The following ST3GAL4 variants were observed in gnomAD, a reference collection of about 807,000 sequenced individuals.
ST3GAL4 encodes the protein ST3 beta-galactoside alpha-2,3-sialyltransferase 4.
A neutral mutation model predicts 42.6 loss-of-function variants in ST3GAL4; 24 were observed. The ratio of observed to expected loss-of-function variants is 0.56; its 90% CI spans 0.41 to 0.79. The LOEUF (loss-of-function observed/expected upper bound fraction) is 0.79, where lower values mean the gene tolerates loss of function less well. Ranked by LOEUF, ST3GAL4 falls within the 30% of genes least tolerant of loss-of-function variation. ST3GAL4 has a pLI of 0.00. For missense variants in ST3GAL4, 311 were observed against 430.8 expected, an observed-to-expected ratio of 0.72 and a Z score of 2.46; for synonymous variants, 135 against 163.2, an observed-to-expected ratio of 0.83 and a Z score of 1.32.
At chr11:126,371,155 C>T (rs1952625466) in intron 1 of ST3GAL4, among the ~76,000 whole-genome samples, 1 of 71,072 alleles carries the variant, frequency 1.4e-5, no homozygotes, top group African/African-American at 6.0e-5. Flanking sequence ...CTATTCTTCC[C>T]CACATTCCTT....
rs1473170011 is a variant in ST3GAL4 at position 126,378,133 on chromosome 11, A to C, written c.-61+22291A>C. Among the ~76,000 whole-genome samples, 1 of 152,152 alleles carries C rather than the reference A, an allele frequency of 6.6e-6. No individual in the cohort carries two copies. The highest frequency in any genetic ancestry group is 2.4e-5 in the African/African-American group (1 of 41,430). The stretch of plus-strand genomic sequence containing the variant: ...GTCATATCTAGTCATTTTAGGTAGA[A>C]GATAGCCCACACCACAGATCCAGAC... On this transcript the variant is annotated intron_variant, in intron 1 of 10. Transcript: ENST00000444328. This position sits in a 1 kb window ranked among gnomAD's most constrained non-coding sequence, Gnocchi z 5.3.
intron 1 of ST3GAL4, among the ~76,000 whole-genome samples, chr11:126,375,480 G>C (rs1158198187): frequency 1.3e-5 from 2 of 152,140 alleles, no homozygotes; most frequent in Non-Finnish European, 2.9e-5. Flanking sequence ...CGTAGGATGT[G>C]GGGGTTCTGG....
At chr11:126,360,825 G>A (rs551143032) in intron 1 of ST3GAL4, among the ~76,000 whole-genome samples, 2 of 152,360 alleles carry the variant, frequency 1.3e-5, no homozygotes, top group South Asian at 2.1e-4. Context: ...TGATGGAAAT[G>A]CAGCTCAGGT....
chr11:126,409,523 G>A lies in ST3GAL4; in HGVS notation c.771+112G>A. 2.1e-6 allele frequency: 3 copies of A among 1,442,546 alleles called. No homozygotes were observed. The highest frequency in any genetic ancestry group is 2.8e-6 in the Non-Finnish European group (3 of 1,053,756). 89.4% of individuals were successfully genotyped at this position (1,442,546 alleles called of 1,614,324 possible). On this transcript the variant is annotated intron_variant, in intron 9 of 10. Coordinates refer to ENST00000444328, the MANE Select transcript of ST3GAL4 (RefSeq NM_001254757.2). The surrounding 1 kb of genome is among the most constrained non-coding windows in gnomAD (Gnocchi z 4.9). The stretch of plus-strand genomic sequence containing the variant: ...GATCCCATAACAGAGGCGGCGGTTT[G>A]CATTTTCCCTCCAGGAACACACCTG...
At chr11:126,404,831 C>T (rs1954156497) in intron 1 of ST3GAL4, among the ~76,000 whole-genome samples, 1 of 152,246 alleles carries the variant, frequency 6.6e-6, no homozygotes, top group African/African-American at 2.4e-5. Flanking sequence ...GGGTTCAGAG[C>T]AGAGCCTGGG....
intron 8 of ST3GAL4, chr11:126,408,870 C>A: frequency 2.5e-6 from 1 of 395,980 alleles, no homozygotes; most frequent in Non-Finnish European, 4.6e-6. Flanking sequence ...TGTGTCCAAA[C>A]AGATGGTCCC....
At chr11:126,390,138 C>T (rs561912087) in intron 1 of ST3GAL4, among the ~76,000 whole-genome samples, 2 of 150,440 alleles carry the variant, frequency 1.3e-5, no homozygotes, top group African/African-American at 2.5e-5. Flanking sequence ...GCTGAGATCA[C>T]GCCACTGCAC....
intron 1 of ST3GAL4, among the ~76,000 whole-genome samples, chr11:126,395,647 T>C (rs1953715462): frequency 6.6e-6 from 1 of 152,180 alleles, no homozygotes; most frequent in Non-Finnish European, 1.5e-5. Context: ...GTTGTTCTCC[T>C]GGTAGTAAGT....
intron 1 of ST3GAL4, among the ~76,000 whole-genome samples, chr11:126,388,266 T>C (rs1953307189): frequency 1.3e-5 from 2 of 152,252 alleles, no homozygotes; most frequent in Non-Finnish European, 2.9e-5. Flanking sequence ...TAGTTTCTTA[T>C]TTGCCATTCA....
At position 126,406,283 on chromosome 11, in the gene ST3GAL4, C is replaced by A; in HGVS notation, c.16+112C>A. ...GGAGGGACAGACAGGGAGCCAGGGG[C>A]CCTTCTCTTCATCTTGAAGGACAGT... is the stretch of plus-strand genomic sequence containing the variant. On this transcript the variant is annotated intron_variant, in intron 2 of 10. Coordinates refer to ENST00000444328, the MANE Select transcript of ST3GAL4 (RefSeq NM_001254757.2). The surrounding 1 kb of genome is among the most constrained non-coding windows in gnomAD (Gnocchi z 5.4). 1 of 1,545,514 alleles carries A rather than the reference C, an allele frequency of 6.5e-7. No individual in the cohort carries two copies. Among genetic ancestry groups the A allele is most frequent in the Non-Finnish European group, 8.7e-7 (1 of 1,144,722 alleles).
In ST3GAL4 at chr11:126,408,679, C is replaced by T. The variant is rs554090285; in HGVS notation, c.627+183C>T. 1.8e-5 allele frequency: 12 copies of T among 671,138 alleles called. No homozygotes were observed. The African/African-American group carries it at 2.2e-4, about 12-fold the overall frequency. The allele number at this position is 671,138 out of a possible 1,614,324, so 41.6% of individuals were successfully genotyped here. ...CAAGGGTGGTGCTCTGATAAGCTGC[C>T]CCAGCAACTGGGTATAAAAGCCTGC... On this transcript the variant is annotated intron_variant, in intron 8 of 10. Transcript: ENST00000444328.
chr11:126,395,709 C>T (rs1225502859), intron 1 of ST3GAL4, among the ~76,000 whole-genome samples: 1 of 152,180 alleles, frequency 6.6e-6, no homozygotes, highest in South Asian at 2.1e-4. Context: ...CGTGGCTGTC[C>T]TTCTTTCTTG....
intron 1 of ST3GAL4, among the ~76,000 whole-genome samples, chr11:126,361,936 C>T (rs1591411141): frequency 6.7e-6 from 1 of 150,280 alleles, no homozygotes; most frequent in African/African-American, 2.5e-5. Flanking sequence ...GGCTGGAGTG[C>T]AGTGGTGCGA....
chr11:126,402,046 G>C (rs1172651662), intron 1 of ST3GAL4, among the ~76,000 whole-genome samples: 5 of 151,162 alleles, frequency 3.3e-5, no homozygotes. Flanking sequence ...AACTATTCTG[G>C]GAAGGTGAGG....
chr11:126,402,092 A>AGG (rs372167321), intron 1 of ST3GAL4, among the ~76,000 whole-genome samples: 1 of 139,044 alleles, frequency 7.2e-6, no homozygotes, highest in Non-Finnish European at 1.6e-5. Flanking sequence ...TTTGGGGGAA[A>AGG]GAGGGGAGGT....
At position 126,400,550 on chromosome 11, in the gene ST3GAL4, G is replaced by C. The variant is rs201214911; in HGVS notation, c.-60-5546G>C. 2.7e-4 allele frequency among the ~76,000 whole-genome samples: 41 copies of C among 152,328 alleles called. No homozygotes were observed. The East Asian group carries it at 6.0e-3, about 22-fold the overall frequency. ...TGCTTGGGAGGAGGGTAAGAGATGCGTTTGCAGTTCTCATGGCCGCAGACT... is the reference window on the plus strand; with the variant it reads ...TGCTTGGGAGGAGGGTAAGAGATGCCTTTGCAGTTCTCATGGCCGCAGACT... On this transcript the variant is annotated intron_variant, in intron 1 of 10. Coordinates refer to ENST00000444328, the MANE Select transcript of ST3GAL4 (RefSeq NM_001254757.2). The surrounding 1 kb of genome is among the most constrained non-coding windows in gnomAD (Gnocchi z 4.6).
Position 126,379,382 on chromosome 11 carries a change from C to A in ST3GAL4, c.-61+23540C>A, listed in dbSNP as rs1050393531. Among the ~76,000 whole-genome samples, 1 of 152,086 alleles carries A rather than the reference C, an allele frequency of 6.6e-6. No individual in the cohort carries two copies. The highest frequency in any genetic ancestry group is 1.5e-5 in the Non-Finnish European group (1 of 68,018). On this transcript the variant is annotated intron_variant, in intron 1 of 10. Transcript: ENST00000444328. The surrounding 1 kb of genome is among the most constrained non-coding windows in gnomAD (Gnocchi z 4.2). ...TCAATAGAAGGGGGCCACATGGAGTCTTGTTTCATTGTCTTGGGAAAGCTG... is the reference window on the plus strand; with the variant it reads ...TCAATAGAAGGGGGCCACATGGAGTATTGTTTCATTGTCTTGGGAAAGCTG...
At chr11:126,390,618 C>CTTTTTTTTTTTTTTTTTTTTTTTT (rs58153137) in intron 1 of ST3GAL4, among the ~76,000 whole-genome samples, 11 of 126,684 alleles carry the variant, frequency 8.7e-5, no homozygotes, top group African/African-American at 3.5e-4. Context: ...GTGTTCTTTG[C>CTTTTTTTTTTTTTTTTTTTTTTTT]TTTTTTTTTT....
chr11:126,406,417 C>T lies in ST3GAL4; in HGVS notation c.17-56C>T, dbSNP rs367862665. 229 of 1,612,772 alleles carry T rather than the reference C, an allele frequency of 1.4e-4. No individual in the cohort carries two copies. In the Middle Eastern group the frequency reaches 1.7e-3, roughly 12 times the overall value. ...AGAAGGGGGCAGGTGGGAAGGTGGACGGGGGTTGTACCTGCCTGTTGCTGC... is the reference window on the plus strand; with the variant it reads ...AGAAGGGGGCAGGTGGGAAGGTGGATGGGGGTTGTACCTGCCTGTTGCTGC... On this transcript the variant is annotated intron_variant, in intron 2 of 10. Transcript: ENST00000444328. This position sits in a 1 kb window ranked among gnomAD's most constrained non-coding sequence, Gnocchi z 5.4.
Sources: gnomAD v4.1 joint callset for allele counts (sites outside exome capture counted in the v4.1 genomes callset) on GRCh38, gnomAD v4.1.1 for gene constraint, Gnocchi (gnomAD v3.1) non-coding constraint, MANE v1.5 for transcripts, NCBI Gene and HGNC (gene_info 2026-07-23, HGNC 2026-07-21) for gene names.